PLEKHM3: variants seen among roughly 807,000 people sequenced by gnomAD.
The protein encoded by PLEKHM3 is pleckstrin homology domain containing M3, also known as pleckstrin homology domain-containing family M member 3.
Under a neutral mutation model 81.8 loss-of-function variants are expected in PLEKHM3, and 45 were observed. The ratio of observed to expected loss-of-function variants is 0.55; its 90% CI spans 0.43 to 0.71. The LOEUF (loss-of-function observed/expected upper bound fraction) is 0.71. Ranked by LOEUF, PLEKHM3 falls within the 30% of genes least tolerant of loss-of-function variation. PLEKHM3 has a pLI of 0.00. For synonymous variants in PLEKHM3, 352 were observed against 356.4 expected, an observed-to-expected ratio of 0.99 and a Z score of 0.14; for missense variants, 788 against 924.3, an observed-to-expected ratio of 0.85 and a Z score of 1.91.
chr2:208,000,732 C>T (rs1286216213), intron 2 of PLEKHM3, among the ~76,000 whole-genome samples: 3 of 151,896 alleles, frequency 2.0e-5, no homozygotes, highest in South Asian at 2.1e-4. Flanking sequence ...GAGAGTATTC[C>T]GATTCTAACA....
At chr2:207,883,857 T>C (rs777745977) in intron 6 of PLEKHM3, among the ~76,000 whole-genome samples, 23 of 152,202 alleles carry the variant, frequency 1.5e-4, no homozygotes, top group Non-Finnish European at 2.8e-4. Context: ...TATGACCAAC[T>C]GGGATTTCTC....
At chr2:207,917,277 G>A (rs1209123909) in intron 5 of PLEKHM3, among the ~76,000 whole-genome samples, 4 of 152,154 alleles carry the variant, frequency 2.6e-5, no homozygotes, top group Non-Finnish European at 4.4e-5. Flanking sequence ...CACAAAATTC[G>A]GGTAACCTTA....
intron 5 of PLEKHM3, among the ~76,000 whole-genome samples, chr2:207,921,618 C>G (rs1286763356): frequency 1.3e-5 from 2 of 152,146 alleles, no homozygotes; most frequent in Non-Finnish European, 2.9e-5. Flanking sequence ...ATTTCTCTAA[C>G]TGTAATTTGT....
intron 6 of PLEKHM3, chr2:207,899,897 T>C (rs1332396846): frequency 6.6e-6 from 1 of 152,140 alleles, no homozygotes; most frequent in Admixed American, 6.5e-5. Context: ...GGCTCATGAT[T>C]ATGGGCCAAA....
intron 1 of PLEKHM3, among the ~76,000 whole-genome samples, chr2:208,002,482 G>T (rs989563039): frequency 1.3e-5 from 2 of 152,102 alleles, no homozygotes; most frequent in Non-Finnish European, 2.9e-5. Flanking sequence ...ATTATATAAT[G>T]CTTGATGATG....
At position 207,828,413 on chromosome 2, in the gene PLEKHM3, T is replaced by G; in HGVS notation, c.2192A>C (p.Gln731Pro). ...CTGCCAGAAAGACTTCTGCTTCTTC[T>G]GCAGCTCTCGGCGAACACACCTCGG... Reference protein sequence around the residue: ...PCPRCVRRELQKKQKSFWQRL... With the variant: ...PCPRCVRRELPKKQKSFWQRL... Residue 731 changes from glutamine to proline, a missense_variant, in exon 8 of 8, where the codon CAG becomes CCG. Physicochemically the swap from Gln to Pro is moderately conservative, Grantham distance 76. Transcript: ENST00000427836. 1 of 1,614,142 alleles carries G rather than the reference T, an allele frequency of 6.2e-7. No homozygotes were observed. The highest frequency in any genetic ancestry group is 8.5e-7 in the Non-Finnish European group (1 of 1,180,044).
rs1011171171 is a variant in PLEKHM3 at position 207,827,776 on chromosome 2, G to A, written c.*543C>T. ...CCGCCTCCACAGGAGGAACTGAGGC[G>A]GGAGCGCCACGGACACCAGGTCCTG... On this transcript the variant is annotated 3_prime_UTR_variant, in exon 8 of 8. Coordinates refer to ENST00000427836, the MANE Select transcript of PLEKHM3 (RefSeq NM_001080475.3). The A allele has an allele frequency of 2.0e-5, 3 of 152,202 alleles. No homozygotes were observed. The highest frequency in any genetic ancestry group is 6.5e-5 in the Admixed American group (1 of 15,282). 9.4% of individuals were successfully genotyped at this position (152,202 alleles called of 1,614,324 possible). A position where few individuals can be genotyped will look rare whatever the true frequency, so the allele number is the denominator to read the frequency against.
chr2:208,021,654 T>A (rs1308342050), intron 1 of PLEKHM3, among the ~76,000 whole-genome samples: 2 of 152,244 alleles, frequency 1.3e-5, no homozygotes, highest in Non-Finnish European at 2.9e-5. Flanking sequence ...AAGTACTACA[T>A]GTTCATTGCT....
At chr2:207,979,456 C>A (rs991564256) in intron 2 of PLEKHM3, among the ~76,000 whole-genome samples, 3 of 151,848 alleles carry the variant, frequency 2.0e-5, no homozygotes, top group Admixed American at 1.3e-4. Context: ...ATCACTTGAA[C>A]CCAGGAGGCG....
chr2:207,914,415 T>C (rs1237593055), intron 5 of PLEKHM3, among the ~76,000 whole-genome samples: 1 of 151,930 alleles, frequency 6.6e-6, no homozygotes, highest in Non-Finnish European at 1.5e-5. Context: ...GGAGAATTGA[T>C]TGAACCCAGG....
chr2:207,960,131 C>G (rs1690678814), intron 3 of PLEKHM3, among the ~76,000 whole-genome samples: 1 of 152,222 alleles, frequency 6.6e-6, no homozygotes, highest in Admixed American at 6.5e-5. Context: ...GGGGAATTCC[C>G]TAGAGTGATA....
chr2:208,024,624 T>C (rs1693258727), intron 1 of PLEKHM3, among the ~76,000 whole-genome samples: 1 of 152,184 alleles, frequency 6.6e-6, no homozygotes, highest in South Asian at 2.1e-4. Flanking sequence ...TATAATAAAA[T>C]ACTTTATAAA....
At chr2:207,836,318 TAAA>T (rs34489704) in intron 7 of PLEKHM3, among the ~76,000 whole-genome samples, 26 of 131,828 alleles carry the variant, frequency 2.0e-4, no homozygotes, top group Non-Finnish European at 2.9e-4. Context: ...AGAGAGAGTC[TAAA>T]AAAAAAAAAA....
chr2:207,937,394 T>C (rs935164241), intron 4 of PLEKHM3, among the ~76,000 whole-genome samples: 3 of 152,072 alleles, frequency 2.0e-5, no homozygotes, highest in African/African-American at 7.2e-5. Context: ...AGCAAGACTT[T>C]GTCTCTACCA....
intron 7 of PLEKHM3, among the ~76,000 whole-genome samples, chr2:207,838,430 T>A (rs1251230381): frequency 2.0e-5 from 3 of 152,264 alleles, no homozygotes; most frequent in Non-Finnish European, 4.4e-5. Flanking sequence ...ACAAAAGCTT[T>A]ACTTAAATCT....
intron 2 of PLEKHM3, among the ~76,000 whole-genome samples, chr2:207,980,899 C>A (rs976777158): frequency 6.6e-6 from 1 of 152,024 alleles, no homozygotes; most frequent in East Asian, 1.9e-4. Flanking sequence ...GAGGCTCAGG[C>A]GGGTGGATCA....
intron 4 of PLEKHM3, among the ~76,000 whole-genome samples, chr2:207,936,489 C>T (rs1399746249): frequency 6.6e-6 from 1 of 152,100 alleles, no homozygotes; most frequent in Non-Finnish European, 1.5e-5. Flanking sequence ...TTATTTGTTT[C>T]TAAGTTCATA....
intron 3 of PLEKHM3, among the ~76,000 whole-genome samples, chr2:207,950,409 G>C (rs896596336): frequency 6.6e-6 from 1 of 152,188 alleles, no homozygotes; most frequent in East Asian, 1.9e-4. Flanking sequence ...CAAAATAAAC[G>C]TGTTAGCTTT....
At chr2:207,920,656 T>TA (rs1200786293) in intron 5 of PLEKHM3, among the ~76,000 whole-genome samples, 1 of 151,420 alleles carries the variant, frequency 6.6e-6, no homozygotes, top group Non-Finnish European at 1.5e-5. Context: ...TTTGCCTATT[T>TA]TTTTTTTTTT....
Sources: allele counts gnomAD v4.1 joint callset (sites outside exome capture counted in the v4.1 genomes callset), GRCh38; gene constraint gnomAD v4.1.1; transcripts MANE v1.5; gene names NCBI Gene and HGNC (gene_info 2026-07-23, HGNC 2026-07-21).